The following HS3ST3A1 variants were observed in gnomAD, a reference collection of about 807,000 sequenced individuals.
HS3ST3A1 encodes heparan sulfate-glucosamine 3-sulfotransferase 3A1.
In HS3ST3A1, 19 loss-of-function variants were observed where a neutral mutation model predicts 25.7. The ratio of observed to expected loss-of-function variants is 0.74; its 90% confidence interval spans 0.52 to 1.08. The LOEUF (loss-of-function observed/expected upper bound fraction) is 1.08, where lower values mean the gene tolerates loss of function less well. HS3ST3A1 is among the 50% of genes least tolerant of loss of function. HS3ST3A1 has a pLI of 0.00. For synonymous variants in HS3ST3A1, 226 were observed against 278.6 expected (o/e 0.81, Z 1.88); for missense variants, 459 against 594.3 (o/e 0.77, Z 2.37).
At chr17:13,558,208 G>T (rs771934646) in intron 1 of HS3ST3A1, among the ~76,000 whole-genome samples, 1 of 152,194 alleles carries the variant, frequency 6.6e-6, no homozygotes, top group Non-Finnish European at 1.5e-5. Flanking sequence ...GAGCCCAGGA[G>T]TTAGAGACTT....
intron 1 of HS3ST3A1, among the ~76,000 whole-genome samples, chr17:13,505,209 C>T (rs1026307296): frequency 6.6e-6 from 1 of 152,018 alleles, no homozygotes; most frequent in African/African-American, 2.4e-5. Context: ...AAGGGGATTA[C>T]AAAAATAGTA....
chr17:13,517,082 C>G (rs910560827), intron 1 of HS3ST3A1, among the ~76,000 whole-genome samples: 3 of 152,116 alleles, frequency 2.0e-5, no homozygotes, highest in African/African-American at 7.2e-5. Context: ...AGCATACATG[C>G]GTTTTTCTGA....
At chr17:13,539,628 G>A (rs151198497) in intron 1 of HS3ST3A1, among the ~76,000 whole-genome samples, 2 of 152,268 alleles carry the variant, frequency 1.3e-5, no homozygotes, top group South Asian at 2.1e-4. Flanking sequence ...CAGGCAACTT[G>A]TTTAGGAATC....
intron 1 of HS3ST3A1, among the ~76,000 whole-genome samples, chr17:13,550,196 T>C (rs1417349983): frequency 2.0e-5 from 3 of 152,174 alleles, no homozygotes; most frequent in East Asian, 3.8e-4. Flanking sequence ...TTAGAGTGCA[T>C]GGACTAAATT....
chr17:13,529,687 T>C (rs1339968801), intron 1 of HS3ST3A1, among the ~76,000 whole-genome samples: 2 of 152,182 alleles, frequency 1.3e-5, no homozygotes, highest in African/African-American at 2.4e-5. Context: ...TCCTCCTACC[T>C]TCACGGCTCT....
intron 1 of HS3ST3A1, among the ~76,000 whole-genome samples, chr17:13,543,180 C>T (rs901684573): frequency 2.6e-5 from 4 of 152,110 alleles, no homozygotes; most frequent in African/African-American, 7.2e-5. Context: ...TCTAATGAAG[C>T]GTTCATGGAA....
At chr17:13,541,313 T>A (rs557198205) in intron 1 of HS3ST3A1, among the ~76,000 whole-genome samples, 10 of 152,330 alleles carry the variant, frequency 6.6e-5, no homozygotes, top group African/African-American at 2.4e-4. Flanking sequence ...TGCTGAGTAA[T>A]CTTACTTTGG....
At chr17:13,586,838 C>T (rs1476113721) in intron 1 of HS3ST3A1, among the ~76,000 whole-genome samples, 2 of 122,820 alleles carry the variant, frequency 1.6e-5, no homozygotes, top group African/African-American at 3.5e-5. Context: ...CCACTGCACT[C>T]CAGCCTGGGC....
chr17:13,573,666 T>A (rs1034131290), intron 1 of HS3ST3A1, among the ~76,000 whole-genome samples: 1 of 152,220 alleles, frequency 6.6e-6, no homozygotes, highest in East Asian at 1.9e-4. Context: ...AACATGTGAC[T>A]GAGCTCAATG....
intron 1 of HS3ST3A1, among the ~76,000 whole-genome samples, chr17:13,514,937 GCCATATAAT>G (rs1906003024): frequency 6.6e-6 from 1 of 152,034 alleles, no homozygotes; most frequent in Non-Finnish European, 1.5e-5. Flanking sequence ...ATCAATAAAA[GCCATATAAT>G]TTTCCTAGAT....
Position 13,581,267 on chromosome 17 carries a change from G to A in HS3ST3A1, c.599+19264C>T, listed in dbSNP as rs138576426. On this transcript the variant is annotated intron_variant, in intron 1 of 1. Transcript: ENST00000284110. ...GGATCACCTGAGGTCAGGAGTTGAA[G>A]ACCAGCCTGGCCAACATGGCAAAAC... is the stretch of plus-strand genomic sequence containing the variant. 3.9e-3 allele frequency among the ~76,000 whole-genome samples: 594 copies of A among 152,100 alleles called. 4 individuals carry two copies. Among genetic ancestry groups the A allele is most frequent in the African/African-American group, 0.014 (571 of 41,492 alleles).
At chr17:13,592,221 C>T (rs960192707) in intron 1 of HS3ST3A1, among the ~76,000 whole-genome samples, 3 of 152,148 alleles carry the variant, frequency 2.0e-5, no homozygotes, top group African/African-American at 7.2e-5. Context: ...GTTCTATGAT[C>T]TTGGACAAGT....
chr17:13,523,993 A>G (rs1262982611), intron 1 of HS3ST3A1, among the ~76,000 whole-genome samples: 1 of 152,196 alleles, frequency 6.6e-6, no homozygotes, highest in Non-Finnish European at 1.5e-5. Context: ...CTGTACAAAC[A>G]TGATAGGTAT....
chr17:13,502,082 C>G (rs1318072211), intron 1 of HS3ST3A1, among the ~76,000 whole-genome samples: 4 of 152,172 alleles, frequency 2.6e-5, no homozygotes, highest in Admixed American at 6.5e-5. Context: ...TCATGCCACT[C>G]TACCGTGCTA....
chr17:13,541,365 C>G (rs558285025), intron 1 of HS3ST3A1, among the ~76,000 whole-genome samples: 1 of 152,250 alleles, frequency 6.6e-6, no homozygotes, highest in South Asian at 2.1e-4. Flanking sequence ...AGCCACAGCT[C>G]AAAAGGTTAG....
rs1316407021 is a variant in HS3ST3A1, at chr17:13,601,816, GACC to G, written c.-690_-688del. The G allele has an allele frequency of 6.5e-6, 1 of 153,578 alleles. No individual in the cohort carries two copies. Among genetic ancestry groups the G allele is most frequent in the African/African-American group, 2.4e-5 (1 of 41,464 alleles). The allele number at this position is 153,578 out of a possible 1,614,324, so 9.5% of individuals were successfully genotyped here. On this transcript the variant is annotated 5_prime_UTR_variant, in exon 1 of 2. Transcript: ENST00000284110. ...GCCGGGTTGCTCCAAACTGCTCTTGGACCCCACCTGTGAGCCGCGTGGCTGGGC... is the reference window on the plus strand; with the variant it reads ...GCCGGGTTGCTCCAAACTGCTCTTGGCCACCTGTGAGCCGCGTGGCTGGGC...
At chr17:13,518,589 C>T (rs986795048) in intron 1 of HS3ST3A1, among the ~76,000 whole-genome samples, 1 of 152,138 alleles carries the variant, frequency 6.6e-6, no homozygotes, top group Non-Finnish European at 1.5e-5. Context: ...TTTCCCATTT[C>T]TTGATACTTA....
intron 1 of HS3ST3A1, among the ~76,000 whole-genome samples, chr17:13,586,881 A>C (rs1908289114): frequency 5.1e-5 from 2 of 39,198 alleles, no homozygotes; most frequent in Non-Finnish European, 7.4e-5. Context: ...CAAAAAAAAA[A>C]AAAAAAAAAA....
Position 13,495,981 on chromosome 17 carries a change from A to C in HS3ST3A1, c.*216T>G, listed in dbSNP as rs1361337896. The C allele has an allele frequency of 2.0e-6, 1 of 505,208 alleles. No homozygotes were observed. Among genetic ancestry groups the C allele is most frequent in the African/African-American group, 2.0e-5 (1 of 50,692 alleles). 31.3% of individuals were successfully genotyped at this position (505,208 alleles called of 1,614,324 possible). A position where few individuals can be genotyped will look rare whatever the true frequency, so the allele number is the denominator to read the frequency against. Reference sequence around the variant, plus strand: ...CATAAAATAAAAACTGAAAATTGAAAGTGTTTAGACGAGTGAAATTTTCCT... The same window carrying C: ...CATAAAATAAAAACTGAAAATTGAACGTGTTTAGACGAGTGAAATTTTCCT... On this transcript the variant is annotated 3_prime_UTR_variant, in exon 2 of 2. Coordinates refer to ENST00000284110, the MANE Select transcript of HS3ST3A1 (RefSeq NM_006042.3).
Sources: gnomAD v4.1 joint callset for allele counts (sites outside exome capture counted in the v4.1 genomes callset) on GRCh38, gnomAD v4.1.1 for gene constraint, MANE v1.5 for transcripts, NCBI Gene and HGNC (gene_info 2026-07-23, HGNC 2026-07-21) for gene names.